The following FAAP100 variants were observed in gnomAD, a reference collection of about 807,000 sequenced individuals.
The protein encoded by FAAP100 is Fanconi anemia core complex-associated protein 100.
A neutral mutation model predicts 65.8 loss-of-function variants in FAAP100; 46 were observed. That is an observed-to-expected ratio of 0.70 (90% CI 0.55 to 0.89). The LOEUF (loss-of-function observed/expected upper bound fraction) is 0.89. FAAP100 is among the 40% of genes least tolerant of loss of function. FAAP100 has a pLI of 0.00. For synonymous variants in FAAP100, 663 were observed against 555.1 expected, an observed-to-expected ratio of 1.19 and a Z score of -2.73; for missense variants, 1,165 against 1,196.7, an observed-to-expected ratio of 0.97 and a Z score of 0.39.
intron 6 of FAAP100, 48 bp from the exon 7 acceptor site, chr17:81,544,168 G>A: frequency 6.8e-7 from 1 of 1,481,148 alleles, no homozygotes; most frequent in Non-Finnish European, 9.4e-7. Context: ...ACTCCCACCT[G>A]CCCGGGGGGC....
chr17:81,550,448 C>A lies in FAAP100; in HGVS notation c.1046G>T (p.Cys349Phe). The A allele has an allele frequency of 6.2e-7, 1 of 1,612,704 alleles. No individual in the cohort carries two copies. The highest frequency in any genetic ancestry group is 8.5e-7 in the Non-Finnish European group (1 of 1,179,952). ...GCGGCCACCCCCGCCACAGGCAGCG[C>A]AGAGCACAGGGCCTGGGAGGCAGTA... ...REYCLPGPVL[C>F]AACGGGGRVY... Residue 349 changes from cysteine to phenylalanine, a missense_variant, in exon 3 of 9, where the codon TGC becomes TTC. Transcript: ENST00000327787.
chr17:81,550,509 C>T lies in FAAP100; in HGVS notation c.985G>A (p.Asp329Asn), dbSNP rs753623012. ...TCGGGCACCAGCTTCCCGGACTCAT[C>T]CCAGCTGGCCTTGATGGCCAGCATC... is the stretch of plus-strand genomic sequence containing the variant. The part of the protein sequence containing the change: ...GRMLAIKASW[D>N]ESGKLVPELR... The change falls in exon 3 of 9, where the codon GAT (aspartate) becomes AAT (asparagine). Residue 329 changes from aspartate to asparagine, a missense_variant. Physicochemically the swap from Asp to Asn is conservative, Grantham distance 23 (BLOSUM62 1). Transcript: ENST00000327787. The T allele has an allele frequency of 3.0e-5, 49 of 1,612,698 alleles. No homozygotes were observed. Among genetic ancestry groups the T allele is most frequent in the South Asian group, 6.6e-5 (6 of 91,088 alleles).
chr17:81,545,767 G>T lies in FAAP100; in HGVS notation c.2289C>A (p.Asn763Lys). 1 of 1,612,132 alleles carries T rather than the reference G, an allele frequency of 6.2e-7. No individual in the cohort carries two copies. Among genetic ancestry groups the T allele is most frequent in the East Asian group, 2.2e-5 (1 of 44,858 alleles). Reference protein sequence around the residue: ...SIQGVAPDGANVHLIVREVAM... With the variant: ...SIQGVAPDGAKVHLIVREVAM... ...TTGCCTCTCGGACGATGAGGTGAAC[G>T]TTGGCGCCATCAGGGGCCACTCCCT... Residue 763 changes from asparagine to lysine, a missense_variant, in exon 6 of 9, where the codon AAC becomes AAA. Physicochemically the swap from Asn to Lys is moderately conservative, Grantham distance 94 (BLOSUM62 0). Transcript: ENST00000327787.
In FAAP100 at chr17:81,540,272, C is replaced by T. The variant is rs2143922665; in HGVS notation, c.*547G>A. On this transcript the variant is annotated 3_prime_UTR_variant, in exon 9 of 9. Transcript: ENST00000327787. ...TTTTGTGCTTTGGTCTCAGGGAGCA[C>T]CCTCCTACCTCGGGGTCCCAGAGTG... 1 of 399,016 alleles carries T rather than the reference C, an allele frequency of 2.5e-6. No homozygotes were observed. Among genetic ancestry groups the T allele is most frequent in the Non-Finnish European group, 4.4e-6 (1 of 226,194 alleles). The allele number at this position is 399,016 out of a possible 1,614,324, so 24.7% of individuals were successfully genotyped here.
In FAAP100 at chr17:81,550,836, G is replaced by C. The variant is rs765480611; in HGVS notation, c.658C>G (p.Leu220Val). 103 of 1,612,254 alleles carry C rather than the reference G, an allele frequency of 6.4e-5. No homozygotes were observed. The highest frequency in any genetic ancestry group is 4.3e-4 in the Admixed American group (26 of 59,900). The stretch of plus-strand genomic sequence containing the variant: ...AGGAGCCCGAAGAGGGCGTCCTCCA[G>C]CGTGAAGCCCCCGGAGCCCCCGAGG... The part of the protein sequence containing the change: ...DLLGGSGGFT[L>V]EDALFGLLFG... The change falls in exon 3 of 9, where the codon CTG becomes GTG. Residue 220 changes from leucine (L) to valine (V), a missense_variant. By Grantham distance (32) the Leu-to-Val change is conservative (BLOSUM62 1). Coordinates refer to ENST00000327787, the MANE Select transcript of FAAP100 (RefSeq NM_025161.6).
chr17:81,544,651 C>T (rs377577307), intron 6 of FAAP100, among the ~76,000 whole-genome samples: 1 of 152,352 alleles, frequency 6.6e-6, no homozygotes, highest in East Asian at 1.9e-4. Context: ...CAACAAATGG[C>T]AAGAACAGGC....
At position 81,547,619 on chromosome 17, in the gene FAAP100, T is replaced by C. The variant is rs2033357890; in HGVS notation, c.1463A>G (p.Glu488Gly). 1 of 1,613,086 alleles carries C rather than the reference T, an allele frequency of 6.2e-7. No homozygotes were observed. Among genetic ancestry groups the C allele is most frequent in the Non-Finnish European group, 8.5e-7 (1 of 1,179,750 alleles). ...QRNKALTSLNEAMNVSCALLS... is the reference protein window; with the variant it reads ...QRNKALTSLNGAMNVSCALLS... ...CAGTGCACAGCTCACGTTCATGGCC[T>C]CGTTGAGGCTTGTCAGTGCCTTGTT... is the stretch of plus-strand genomic sequence containing the variant. The change falls in exon 5 of 9, where the codon GAG (glutamate) becomes GGG (glycine). Residue 488 changes from glutamate to glycine, a missense_variant. Transcript: ENST00000327787.
chr17:81,543,218 G>A (rs768587117), intron 7 of FAAP100, among the ~76,000 whole-genome samples: 2 of 152,222 alleles, frequency 1.3e-5, no homozygotes, highest in African/African-American at 4.8e-5. Context: ...GTGCCCACGG[G>A]AGTCAAGCTG....
At chr17:81,551,740 G>A in intron 2 of FAAP100, 188 bp downstream of exon 2, 1 of 1,356,640 alleles carries the variant, frequency 7.4e-7, no homozygotes, top group South Asian at 1.8e-5. Flanking sequence ...ACTAAGGACT[G>A]TGAGCAAGAC....
chr17:81,550,827 C>A lies in FAAP100; in HGVS notation c.667G>T (p.Ala223Ser), dbSNP rs147464163. Residue 223 changes from alanine to serine, a missense_variant, in exon 3 of 9, where the codon GCC becomes TCC. Transcript: ENST00000327787. ...GGSGGFTLEDALFGLLFGADA... is the reference protein window; with the variant it reads ...GGSGGFTLEDSLFGLLFGADA... ...GCTCCAAAGAGGAGCCCGAAGAGGG[C>A]GTCCTCCAGCGTGAAGCCCCCGGAG... 898 of 1,612,074 alleles carry A rather than the reference C, an allele frequency of 5.6e-4. 6 individuals are homozygous for A. In the African/African-American group the frequency reaches 0.01, roughly 19 times the overall value.
At chr17:81,551,232 C>T (rs1298385383) in intron 2 of FAAP100, 29 bp from the exon 3 acceptor site, 4 of 1,479,892 alleles carry the variant, frequency 2.7e-6, no homozygotes, top group Non-Finnish European at 3.6e-6. Context: ...ACTGGTCAGG[C>T]CTGGGCAGGG....
chr17:81,551,866 G>A (rs887065769), intron 2 of FAAP100, 62 bp downstream of exon 2: 8 of 1,452,732 alleles, frequency 5.5e-6, no homozygotes, highest in Non-Finnish European at 7.2e-6. Context: ...GGGGCTGCTC[G>A]CTCTGAAGCA....
chr17:81,552,245 A>G lies in FAAP100; in HGVS notation c.86T>C (p.Leu29Pro). 1.3e-6 allele frequency: 2 copies of G among 1,487,782 alleles called. No individual in the cohort carries two copies. Among genetic ancestry groups the G allele is most frequent in the Admixed American group, 2.3e-5 (1 of 43,558 alleles). The allele number at this position is 1,487,782 out of a possible 1,614,324, so 92.2% of individuals were successfully genotyped here. A position where few individuals can be genotyped will look rare whatever the true frequency, so the allele number is the denominator to read the frequency against. ...GGLAAGKPRV[L>P]CHEAEVFLST... Reference sequence around the variant, plus strand: ...CAGGAAGACCTCTGCCTCATGGCACAGCACGCGGGGCTTGCCCGCCGCCAG... The same window carrying G: ...CAGGAAGACCTCTGCCTCATGGCACGGCACGCGGGGCTTGCCCGCCGCCAG... Residue 29 changes from leucine to proline, a missense_variant, in exon 1 of 9, where the codon CTG becomes CCG. Transcript: ENST00000327787.
At chr17:81,547,731 G>A (rs1187595432) in intron 4 of FAAP100, 53 bp from the exon 5 acceptor site, 2 of 1,583,712 alleles carry the variant, frequency 1.3e-6, no homozygotes, top group Admixed American at 3.3e-5. Flanking sequence ...ACAGCACCAG[G>A]TGCCACATCT....
At chr17:81,549,706 TAGG>T (rs1568098323) in intron 3 of FAAP100, among the ~76,000 whole-genome samples, 1 of 152,160 alleles carries the variant, frequency 6.6e-6, no homozygotes, top group African/African-American at 2.4e-5. Context: ...AGTGCACTGG[TAGG>T]AGGTGTGTGG....
At chr17:81,549,963 C>T (rs1033651785) in intron 3 of FAAP100, among the ~76,000 whole-genome samples, 1 of 152,160 alleles carries the variant, frequency 6.6e-6, no homozygotes, top group East Asian at 1.9e-4. Flanking sequence ...GCGGTGGACC[C>T]CCAAGATGCA....
In FAAP100 at chr17:81,549,125, C is replaced by G; in HGVS notation, c.1403+81G>C. ...CCGTTGCCACCCGAGGACACTCACA[C>G]CCAGGACGACCCCACACAGGGACGC... On this transcript the variant is annotated intron_variant, in intron 4 of 8. Coordinates refer to ENST00000327787, the MANE Select transcript of FAAP100 (RefSeq NM_025161.6). The G allele has an allele frequency of 1.9e-6, 3 of 1,545,322 alleles. No individual in the cohort carries two copies. In the South Asian group the frequency reaches 3.4e-5, roughly 18 times the overall value.
rs772455640 is a variant in FAAP100, at chr17:81,551,141, A to G, written c.353T>C (p.Val118Ala). 1.3e-6 allele frequency: 2 copies of G among 1,549,320 alleles called. No individual in the cohort carries two copies. The highest frequency in any genetic ancestry group is 1.7e-6 in the Non-Finnish European group (2 of 1,146,038). Residue 118 changes from valine (V) to alanine (A), a missense_variant, in exon 3 of 9, where the codon GTG becomes GCG. By Grantham distance (64) the Val-to-Ala change is moderately conservative. Coordinates refer to ENST00000327787, the MANE Select transcript of FAAP100 (RefSeq NM_025161.6). Reference protein sequence around the residue: ...DGDQPSPVIPVDPDACILPDA... With the variant: ...DGDQPSPVIPADPDACILPDA... The stretch of plus-strand genomic sequence containing the variant: ...GGGAAGGATGCAGGCATCGGGGTCC[A>G]CAGGGATCACGGGGGAAGGCTGGTC...
Position 81,539,911 on chromosome 17 carries a change from T to C in FAAP100, c.*908A>G. On this transcript the variant is annotated 3_prime_UTR_variant, in exon 9 of 9. Coordinates refer to ENST00000327787, the MANE Select transcript of FAAP100 (RefSeq NM_025161.6). ...GAAGGTTCACGGACAGACAGGGTCGTTTGTCACAGCAGAGAAGCACCTCAC... is the reference window on the plus strand; with the variant it reads ...GAAGGTTCACGGACAGACAGGGTCGCTTGTCACAGCAGAGAAGCACCTCAC... 1 of 398,760 alleles carries C rather than the reference T, an allele frequency of 2.5e-6. No individual in the cohort carries two copies. Among genetic ancestry groups the C allele is most frequent in the Non-Finnish European group, 4.4e-6 (1 of 226,142 alleles). The allele number at this position is 398,760 out of a possible 1,614,324, so 24.7% of individuals were successfully genotyped here.
Sources: allele counts gnomAD v4.1 joint callset (sites outside exome capture counted in the v4.1 genomes callset), GRCh38; gene constraint gnomAD v4.1.1; transcripts MANE v1.5; gene names NCBI Gene and HGNC (gene_info 2026-07-23, HGNC 2026-07-21).